SGCZ: variants seen among roughly 807,000 people sequenced by gnomAD.
SGCZ encodes zeta-sarcoglycan.
SGCZ carries 40 observed loss-of-function variants against 41.3 expected under a neutral mutation model. The observed-to-expected ratio is 0.97, with a 90% CI of 0.75 to 1.26. The LOEUF (loss-of-function observed/expected upper bound fraction) is 1.26. SGCZ is among the 50% of genes most tolerant of loss of function. The pLI is 0.00. For missense variants in SGCZ, 552 were observed against 369.8 expected (o/e 1.49, Z -4.04); for synonymous variants, 206 against 137.5 (o/e 1.50, Z -3.49).
chr8:14,534,275 G>T (rs1200240730), intron 2 of SGCZ, among the ~76,000 whole-genome samples: 2 of 151,950 alleles, frequency 1.3e-5, no homozygotes, highest in African/African-American at 4.8e-5. Context: ...AGAAACAGAA[G>T]AAGGGCTCAT....
chr8:14,571,427 C>A (rs1281082343), intron 1 of SGCZ, among the ~76,000 whole-genome samples: 1 of 152,274 alleles, frequency 6.6e-6, no homozygotes, highest in South Asian at 2.1e-4. Context: ...TCCACGGAGG[C>A]AGGCAATTAG....
intron 1 of SGCZ, among the ~76,000 whole-genome samples, chr8:15,160,645 A>G (rs1032323330): frequency 6.6e-6 from 1 of 152,194 alleles, no homozygotes; most frequent in Non-Finnish European, 1.5e-5. Flanking sequence ...TTTTCACATT[A>G]AAACTATACA....
At chr8:14,487,550 T>C (rs796244658) in intron 2 of SGCZ, among the ~76,000 whole-genome samples, 11 of 141,072 alleles carry the variant, frequency 7.8e-5, no homozygotes, top group African/African-American at 2.1e-4. Flanking sequence ...CTTCAAACCA[T>C]TGTTCTTCTG....
chr8:14,501,765 C>G (rs1467350775), intron 2 of SGCZ, among the ~76,000 whole-genome samples: 1 of 151,560 alleles, frequency 6.6e-6, no homozygotes, highest in African/African-American at 2.4e-5. Flanking sequence ...ACTATTCCCT[C>G]CAAAATTTAG....
intron 1 of SGCZ, among the ~76,000 whole-genome samples, chr8:14,571,614 G>A (rs758982545): frequency 1.3e-5 from 2 of 151,994 alleles, no homozygotes; most frequent in African/African-American, 4.8e-5. Flanking sequence ...TTGTAAAAAT[G>A]CATTTTCTCC....
chr8:15,074,059 G>C (rs1196913204), intron 1 of SGCZ, among the ~76,000 whole-genome samples: 2 of 152,114 alleles, frequency 1.3e-5, no homozygotes, highest in African/African-American at 4.8e-5. Flanking sequence ...CACGAGTAAC[G>C]ATGTTATGTG....
intron 4 of SGCZ, among the ~76,000 whole-genome samples, chr8:14,181,817 C>T (rs1430233169): frequency 6.6e-6 from 1 of 152,170 alleles, no homozygotes. Context: ...TTATAAATTA[C>T]TCAGCCTTGG....
intron 3 of SGCZ, among the ~76,000 whole-genome samples, chr8:14,271,020 G>A (rs1019995345): frequency 3.9e-5 from 6 of 152,116 alleles, no homozygotes; most frequent in African/African-American, 1.4e-4. Flanking sequence ...ACACAGGAAG[G>A]GGAACATCAC....
chr8:14,246,102 T>C (rs537736268), intron 3 of SGCZ, among the ~76,000 whole-genome samples: 3 of 152,210 alleles, frequency 2.0e-5, no homozygotes, highest in African/African-American at 7.2e-5. Context: ...ACTGGGTATA[T>C]ACCCAAAGGA....
intron 1 of SGCZ, among the ~76,000 whole-genome samples, chr8:15,169,346 T>C (rs1283020489): frequency 1.3e-5 from 2 of 152,128 alleles, no homozygotes; most frequent in East Asian, 1.9e-4. Flanking sequence ...GTTCAGGACG[T>C]TTGCAGGGGG....
At chr8:14,264,271 G>A (rs1412471642) in intron 3 of SGCZ, among the ~76,000 whole-genome samples, 1 of 152,182 alleles carries the variant, frequency 6.6e-6, no homozygotes, top group East Asian at 1.9e-4. Flanking sequence ...GATGCTGTGT[G>A]TTTAAGGAAA....
intron 1 of SGCZ, among the ~76,000 whole-genome samples, chr8:14,566,190 G>T (rs547873012): frequency 6.6e-6 from 1 of 152,172 alleles, no homozygotes; most frequent in Non-Finnish European, 1.5e-5. Context: ...TGACTATTTA[G>T]ATAAAGAGAA....
intron 2 of SGCZ, among the ~76,000 whole-genome samples, chr8:14,548,712 C>T (rs923560540): frequency 1.3e-5 from 2 of 151,898 alleles, no homozygotes; most frequent in African/African-American, 2.4e-5. Context: ...TTAGTGGGGG[C>T]TTATTTTGTT....
At chr8:14,265,490 C>T (rs901763434) in intron 3 of SGCZ, among the ~76,000 whole-genome samples, 56 of 152,016 alleles carry the variant, frequency 3.7e-4, no homozygotes, top group African/African-American at 1.0e-3. Flanking sequence ...ATTTATTTGA[C>T]GAATCTGCTT....
chr8:14,399,666 GATA>G (rs1175998933), intron 2 of SGCZ, among the ~76,000 whole-genome samples: 5 of 151,948 alleles, frequency 3.3e-5, no homozygotes, highest in Non-Finnish European at 4.4e-5. Flanking sequence ...TTGAAAAGAA[GATA>G]ATATTTTATT....
At chr8:14,476,881 GAGAC>G (rs906924711) in intron 2 of SGCZ, among the ~76,000 whole-genome samples, 1 of 152,142 alleles carries the variant, frequency 6.6e-6, no homozygotes, top group Non-Finnish European at 1.5e-5. Context: ...CTTTCAGAAA[GAGAC>G]AGACATTCAT....
intron 1 of SGCZ, among the ~76,000 whole-genome samples, chr8:14,613,370 G>C (rs1805991597): frequency 6.6e-6 from 1 of 152,070 alleles, no homozygotes; most frequent in South Asian, 2.1e-4. Context: ...TTTTTAGGTG[G>C]ATAATTAACA....
At chr8:14,093,517 C>G (rs551325883) in intron 7 of SGCZ, among the ~76,000 whole-genome samples, 195 of 152,174 alleles carry the variant, frequency 1.3e-3, no homozygotes, top group African/African-American at 4.4e-3. Context: ...AGCAAAAGCA[C>G]TATGGCCTCA....
At chr8:15,167,359 G>A (rs1327163870) in intron 1 of SGCZ, among the ~76,000 whole-genome samples, 4 of 152,196 alleles carry the variant, frequency 2.6e-5, no homozygotes, top group Non-Finnish European at 5.9e-5. Context: ...CCTCATCTAC[G>A]TAGTCCCTGT....
Sources: allele counts gnomAD v4.1 joint callset (sites outside exome capture counted in the v4.1 genomes callset), GRCh38; gene constraint gnomAD v4.1.1; transcripts MANE v1.5; gene names NCBI Gene and HGNC (gene_info 2026-07-23, HGNC 2026-07-21).